Variants in DOCK10 observed in about 807,000 individuals in gnomAD.
DOCK10 encodes dedicator of cytokinesis protein 10.
DOCK10 carries 145 observed loss-of-function variants against 280.1 expected under a neutral mutation model. The observed-to-expected ratio is 0.52, with a 90% CI of 0.45 to 0.59. The LOEUF (loss-of-function observed/expected upper bound fraction) is 0.59. Among genes scored for constraint, DOCK10 ranks in the 20% least tolerant of loss-of-function variants. DOCK10 has a pLI of 0.00. For missense variants in DOCK10, 2,368 were observed against 2,651.7 expected (o/e 0.89, Z 2.35); for synonymous variants, 915 against 942.2 (o/e 0.97, Z 0.53).
intron 1 of DOCK10, among the ~76,000 whole-genome samples, chr2:224,940,873 A>T (rs16866383): frequency 0.026 from 3,956 of 152,276 alleles, 158 homozygotes; most frequent in African/African-American, 0.089. Context: ...TGATTTAGGT[A>T]TGTCTCATCT....
At chr2:224,801,306 T>C (rs1039204544) in intron 40 of DOCK10, among the ~76,000 whole-genome samples, 20 of 117,422 alleles carry the variant, frequency 1.7e-4, no homozygotes, top group Admixed American at 1.3e-3. Context: ...AAAAAAAACA[T>C]ATTTGGGGAT....
At position 224,856,765 on chromosome 2, in the gene DOCK10, G is replaced by A. The variant is rs899013765; in HGVS notation, c.1808+95C>T. 4.3e-6 allele frequency: 5 copies of A among 1,175,648 alleles called. No homozygotes were observed. In the Admixed American group the frequency reaches 1.1e-4, roughly 26 times the overall value. 72.8% of individuals were successfully genotyped at this position (1,175,648 alleles called of 1,614,324 possible). A position where few individuals can be genotyped will look rare whatever the true frequency, so the allele number is the denominator to read the frequency against. On this transcript the variant is annotated intron_variant, in intron 15 of 55. Transcript: ENST00000258390. ...AAAAATATCTGCTTTCTGGAGGTTTGGGTGTTCGAGAATGAGATCCTCAGG... is the reference window on the plus strand; with the variant it reads ...AAAAATATCTGCTTTCTGGAGGTTTAGGTGTTCGAGAATGAGATCCTCAGG...
chr2:225,036,973 A>G (rs1168326211), intron 1 of DOCK10, among the ~76,000 whole-genome samples: 1 of 151,290 alleles, frequency 6.6e-6, no homozygotes, highest in South Asian at 2.1e-4. Flanking sequence ...TCTCACATGC[A>G]TCTTTGTAAG....
chr2:224,940,315 A>G (rs1339480448), intron 1 of DOCK10, among the ~76,000 whole-genome samples: 1 of 152,048 alleles, frequency 6.6e-6, no homozygotes, highest in African/African-American at 2.4e-5. Context: ...CCTTCTCTGG[A>G]CTGTGTTTGT....
At chr2:224,905,234 ATTTTT>A (rs201582173) in intron 3 of DOCK10, among the ~76,000 whole-genome samples, 43 of 111,534 alleles carry the variant, frequency 3.9e-4, no homozygotes, top group African/African-American at 1.7e-3. Flanking sequence ...CTATGGAACT[ATTTTT>A]TTTTTTTTTT....
chr2:224,804,647 A>G, intron 38 of DOCK10, 147 bp downstream of exon 38: 1 of 598,002 alleles, frequency 1.7e-6, no homozygotes, highest in East Asian at 3.2e-5. Flanking sequence ...CTTCAAACTT[A>G]CTGTGTCTAA....
chr2:224,895,261 C>T (rs16866294), intron 4 of DOCK10, among the ~76,000 whole-genome samples: 22,687 of 152,178 alleles, frequency 0.15, 2,015 homozygotes, highest in Admixed American at 0.25. Flanking sequence ...CTTCTGGGGC[C>T]ACAGGAAATA....
intron 55 of DOCK10, chr2:224,769,010 T>C (rs1473836965): frequency 1.6e-5 from 7 of 440,920 alleles, no homozygotes; most frequent in African/African-American, 8.2e-5. Flanking sequence ...TGATTTACAG[T>C]TGGAGACAAG....
chr2:224,916,135 C>T (rs575023625), intron 3 of DOCK10, among the ~76,000 whole-genome samples: 13 of 152,370 alleles, frequency 8.5e-5, no homozygotes, highest in Admixed American at 7.8e-4. Context: ...GTGGCTCATG[C>T]CTGTAATCCC....
At chr2:224,958,487 C>T (rs1704184312) in intron 1 of DOCK10, among the ~76,000 whole-genome samples, 1 of 152,164 alleles carries the variant, frequency 6.6e-6, no homozygotes, top group African/African-American at 2.4e-5. Context: ...TGCACACTCA[C>T]TCCTTCCACA....
chr2:224,778,434 A>G, intron 50 of DOCK10, 150 bp from the exon 51 acceptor site: 1 of 739,570 alleles, frequency 1.4e-6, no homozygotes, highest in South Asian at 1.5e-5. Context: ...AAAATCGGAG[A>G]AGAAAACACA....
At chr2:224,873,810 T>C (rs1173922748) in intron 11 of DOCK10, among the ~76,000 whole-genome samples, 186 bp downstream of exon 11, 2 of 152,156 alleles carry the variant, frequency 1.3e-5, no homozygotes, top group African/African-American at 4.8e-5. Flanking sequence ...ATACAGTATA[T>C]TATAAAGTGT....
chr2:224,950,708 T>A (rs1035088703), intron 1 of DOCK10, among the ~76,000 whole-genome samples: 1 of 152,354 alleles, frequency 6.6e-6, no homozygotes, highest in South Asian at 2.1e-4. Context: ...CCAGCTGTTA[T>A]ATGTGTGCCT....
intron 7 of DOCK10, among the ~76,000 whole-genome samples, chr2:224,878,302 C>T (rs1698764872): frequency 6.6e-6 from 1 of 152,314 alleles, no homozygotes; most frequent in East Asian, 1.9e-4. Flanking sequence ...CATAACAACC[C>T]TGTGGGACCA....
intron 28 of DOCK10, among the ~76,000 whole-genome samples, chr2:224,820,670 C>G (rs1387224993): frequency 1.1e-4 from 16 of 152,166 alleles, no homozygotes; most frequent in Admixed American, 9.8e-4. Context: ...ACCAAGAGCT[C>G]TATGGAAAAC....
intron 27 of DOCK10, among the ~76,000 whole-genome samples, chr2:224,826,765 ATCTATC>A (rs1694887216): frequency 1.3e-5 from 2 of 151,374 alleles, no homozygotes; most frequent in Non-Finnish European, 2.9e-5. Context: ...CTATCTATCT[ATCTATC>A]TATCTATCTA....
intron 1 of DOCK10, among the ~76,000 whole-genome samples, chr2:224,995,819 T>A (rs567254915): frequency 6.6e-6 from 1 of 152,228 alleles, no homozygotes; most frequent in South Asian, 2.1e-4. Flanking sequence ...TGAAGAATTT[T>A]TAATGTGTAT....
At chr2:224,998,285 G>C (rs534353519) in intron 1 of DOCK10, among the ~76,000 whole-genome samples, 294 of 138,472 alleles carry the variant, frequency 2.1e-3, no homozygotes, top group Non-Finnish European at 3.9e-3. Flanking sequence ...CTGCTTCTCT[G>C]TGAGTCAGGA....
At chr2:225,013,279 C>A (rs1439518799) in intron 1 of DOCK10, among the ~76,000 whole-genome samples, 1 of 152,112 alleles carries the variant, frequency 6.6e-6, no homozygotes, top group East Asian at 1.9e-4. Context: ...GGAAAGTAAT[C>A]ACTTACCTAT....
Sources: gnomAD v4.1 joint callset for allele counts (sites outside exome capture counted in the v4.1 genomes callset) on GRCh38, gnomAD v4.1.1 for gene constraint, MANE v1.5 for transcripts, NCBI Gene and HGNC (gene_info 2026-07-23, HGNC 2026-07-21) for gene names.